The following PCLO variants were observed in gnomAD, a reference collection of about 807,000 sequenced individuals.
PCLO encodes the protein piccolo presynaptic cytomatrix protein.
Under a neutral mutation model 427.5 loss-of-function variants are expected in PCLO, and 82 were observed. The ratio of observed to expected loss-of-function variants is 0.19; its 90% CI spans 0.16 to 0.23. The LOEUF (loss-of-function observed/expected upper bound fraction) is 0.23. PCLO is among the 10% of genes least tolerant of loss of function. The probability of loss-of-function intolerance (pLI) is 1.00; values close to 1 mark genes in which losing one functional copy is unlikely to be tolerated. For synonymous variants in PCLO, 2,357 were observed against 2,155.4 expected (o/e 1.09, Z -2.59); for missense variants, 6,239 against 6,115.9 (o/e 1.02, Z -0.67).
At chr7:82,780,705 A>T (rs1444909557) in intron 22 of PCLO, among the ~76,000 whole-genome samples, 2 of 152,234 alleles carry the variant, frequency 1.3e-5, no homozygotes, top group African/African-American at 4.8e-5. Flanking sequence ...CTCAGTTTAC[A>T]TAGTGATACT....
chr7:82,805,095 T>A (rs575969610), intron 21 of PCLO, among the ~76,000 whole-genome samples: 1 of 151,944 alleles, frequency 6.6e-6, no homozygotes, highest in South Asian at 2.1e-4. Context: ...ACTTTTTTTT[T>A]ATTTTGAGGC....
At chr7:82,778,215 A>G (rs1034810878) in intron 22 of PCLO, among the ~76,000 whole-genome samples, 1 of 152,226 alleles carries the variant, frequency 6.6e-6, no homozygotes, top group Non-Finnish European at 1.5e-5. Flanking sequence ...CCACAATGAG[A>G]TACCATATCA....
intron 14 of PCLO, among the ~76,000 whole-genome samples, chr7:82,838,643 C>T (rs1562810859): frequency 6.6e-6 from 1 of 151,762 alleles, no homozygotes; most frequent in East Asian, 1.9e-4. Flanking sequence ...AATTAAATTG[C>T]TACTCTTAGG....
chr7:82,997,258 T>A (rs1416755169), intron 3 of PCLO, among the ~76,000 whole-genome samples: 4 of 152,026 alleles, frequency 2.6e-5, no homozygotes, highest in African/African-American at 9.6e-5. Context: ...AGAGGAAAAG[T>A]GATTATAGGC....
chr7:83,007,740 T>C (rs1207864365), intron 3 of PCLO, among the ~76,000 whole-genome samples: 1 of 151,618 alleles, frequency 6.6e-6, no homozygotes, highest in South Asian at 2.1e-4. Flanking sequence ...CTTATGGTTA[T>C]GAAATAATGG....
intron 20 of PCLO, chr7:82,820,456 C>G: frequency 8.9e-7 from 1 of 1,126,288 alleles, no homozygotes; most frequent in East Asian, 4.1e-5. Flanking sequence ...CATCATATAA[C>G]AATGGCTCAG....
chr7:82,984,408 CTGTGTGTGTGTG>C (rs5885327), intron 3 of PCLO, among the ~76,000 whole-genome samples: 7 of 135,940 alleles, frequency 5.1e-5, no homozygotes, highest in East Asian at 4.4e-4. Flanking sequence ...AATGTGGTGT[CTGTGTGTGTGTG>C]TGTGTGTGTG....
Position 82,954,325 on chromosome 7 carries a change from A to T in PCLO, c.6628T>A (p.Tyr2210Asn). 6.2e-7 allele frequency: 1 copy of T among 1,613,816 alleles called. No individual in the cohort carries two copies. The highest frequency in any genetic ancestry group is 8.5e-7 in the Non-Finnish European group (1 of 1,179,740). Reference sequence around the variant, plus strand: ...GTTATCATGTCCACTGGCTCTGTATAAACTGTGGTTATGCTATCCAGGGTA... The same window carrying T: ...GTTATCATGTCCACTGGCTCTGTATTAACTGTGGTTATGCTATCCAGGGTA... ...ITTLDSITTV[Y>N]TEPVDMITKF... Residue 2210 changes from tyrosine (Y) to asparagine (N), a missense_variant, in exon 5 of 25, where the codon TAT becomes AAT. Physicochemically the swap from Tyr to Asn is moderately radical, Grantham distance 143. Coordinates refer to ENST00000333891, the MANE Select transcript of PCLO (RefSeq NM_033026.6).
chr7:82,786,372 A>G (rs1459880279), intron 22 of PCLO, among the ~76,000 whole-genome samples: 2 of 152,228 alleles, frequency 1.3e-5, no homozygotes, highest in Admixed American at 6.5e-5. Context: ...ATTTTTCTAT[A>G]CCAATAAATT....
intron 3 of PCLO, among the ~76,000 whole-genome samples, chr7:83,048,033 T>C (rs115841952): frequency 2.4e-4 from 36 of 152,208 alleles, no homozygotes; most frequent in African/African-American, 8.7e-4. Context: ...ATGAACTTTT[T>C]TTCCACAACT....
At chr7:83,060,206 C>G (rs533880765) in intron 3 of PCLO, among the ~76,000 whole-genome samples, 32 of 152,058 alleles carry the variant, frequency 2.1e-4, no homozygotes, top group Non-Finnish European at 4.1e-4. Context: ...ATGGTCAGAC[C>G]TGAGCTTCCT....
chr7:82,903,793 T>G (rs1453842187), intron 8 of PCLO, among the ~76,000 whole-genome samples: 1 of 151,894 alleles, frequency 6.6e-6, no homozygotes, highest in African/African-American at 2.4e-5. Context: ...AGAAGTGTGT[T>G]CCCAAAAGAT....
intron 6 of PCLO, among the ~76,000 whole-genome samples, chr7:82,927,581 C>T (rs537164823): frequency 6.6e-6 from 1 of 152,206 alleles, no homozygotes; most frequent in Non-Finnish European, 1.5e-5. Context: ...ATACGGCATC[C>T]AAATGGTTTT....
intron 24 of PCLO, among the ~76,000 whole-genome samples, chr7:82,760,011 G>T (rs912956379): frequency 2.6e-5 from 4 of 151,978 alleles, no homozygotes; most frequent in Admixed American, 6.6e-5. Flanking sequence ...GAAAGATGTG[G>T]AGTATTGTGA....
intron 2 of PCLO, among the ~76,000 whole-genome samples, chr7:83,148,693 A>G (rs1792056151): frequency 6.6e-6 from 1 of 152,128 alleles, no homozygotes; most frequent in Admixed American, 6.6e-5. Context: ...GAATTTTCTT[A>G]CATTCTTTGA....
At chr7:82,989,411 A>G (rs187475271) in intron 3 of PCLO, among the ~76,000 whole-genome samples, 6 of 152,256 alleles carry the variant, frequency 3.9e-5, no homozygotes, top group Admixed American at 2.6e-4. Context: ...TTTAAAATAG[A>G]GAACTTGAAA....
intron 3 of PCLO, among the ~76,000 whole-genome samples, chr7:83,025,558 A>G (rs1269960633): frequency 2.0e-5 from 3 of 152,174 alleles, no homozygotes; most frequent in Non-Finnish European, 4.4e-5. Flanking sequence ...GAACTTCCCC[A>G]ATCTAACAAG....
At chr7:82,866,806 T>C (rs949700916) in intron 10 of PCLO, among the ~76,000 whole-genome samples, 1 of 152,132 alleles carries the variant, frequency 6.6e-6, no homozygotes, top group African/African-American at 2.4e-5. Context: ...TCCATAACTA[T>C]GCTGAACTAT....
At chr7:83,114,132 C>T (rs532281944) in intron 3 of PCLO, among the ~76,000 whole-genome samples, 1 of 152,218 alleles carries the variant, frequency 6.6e-6, no homozygotes, top group East Asian at 1.9e-4. Flanking sequence ...CTCTACATGC[C>T]ATTCACCTAA....
Sources: allele counts gnomAD v4.1 joint callset (sites outside exome capture counted in the v4.1 genomes callset), GRCh38; gene constraint gnomAD v4.1.1; transcripts MANE v1.5; gene names NCBI Gene and HGNC (gene_info 2026-07-23, HGNC 2026-07-21).